The following CCDC57 variants were observed in gnomAD, a reference collection of about 807,000 sequenced individuals.
CCDC57 encodes the protein coiled-coil domain-containing protein 57.
CCDC57 carries 118 observed loss-of-function variants against 118.9 expected under a neutral mutation model. The ratio of observed to expected loss-of-function variants is 0.99; its 90% confidence interval spans 0.86 to 1.16. CCDC57 has a LOEUF of 1.16. CCDC57 is among the 50% of genes most tolerant of loss of function. CCDC57 has a pLI of 0.00. For missense variants in CCDC57, 1,300 were observed against 1,320.7 expected, an observed-to-expected ratio of 0.98 and a Z score of 0.24; for synonymous variants, 527 against 532.9, an observed-to-expected ratio of 0.99 and a Z score of 0.15.
intron 19 of CCDC57, among the ~76,000 whole-genome samples, chr17:82,111,337 C>T (rs2035226635): frequency 7.0e-6 from 1 of 142,730 alleles, no homozygotes; most frequent in Non-Finnish European, 1.5e-5. Flanking sequence ...TCCTGACCCT[C>T]GTGATCCACC....
chr17:82,191,576 T>C (rs1398332918), intron 7 of CCDC57, among the ~76,000 whole-genome samples: 1 of 152,172 alleles, frequency 6.6e-6, no homozygotes, highest in East Asian at 1.9e-4. Context: ...CAGCCCATCC[T>C]CTGCCTCCTC....
At chr17:82,130,826 G>A (rs1255731165) in intron 17 of CCDC57, among the ~76,000 whole-genome samples, 1 of 147,166 alleles carries the variant, frequency 6.8e-6, no homozygotes, top group Admixed American at 6.9e-5. Context: ...GGGGGTGGGG[G>A]TGGGGGACGG....
intron 19 of CCDC57, chr17:82,112,973 A>C (rs1281098218): frequency 1.1e-5 from 2 of 185,776 alleles, no homozygotes; most frequent in East Asian, 2.9e-4. Flanking sequence ...AGCAGAAGTG[A>C]GTGCCAGCCG....
intron 13 of CCDC57, 41 bp downstream of exon 12, chr17:82,171,660 T>C (rs1431586457): frequency 1.3e-6 from 2 of 1,592,428 alleles, no homozygotes; most frequent in Non-Finnish European, 1.7e-6. Flanking sequence ...GATTTCAGTT[T>C]ATAAGGGGAC....
chr17:82,171,875 A>G, intron 12 of CCDC57, 22 bp from the exon 12 acceptor site: 1 of 1,607,250 alleles, frequency 6.2e-7, no homozygotes, highest in South Asian at 1.1e-5. Flanking sequence ...ACCTCCAGTG[A>G]ATATAACACA....
In CCDC57 at chr17:82,201,521, G is replaced by A. The variant is rs370792326; in HGVS notation, c.407+17C>T. 4.6e-5 allele frequency: 73 copies of A among 1,576,644 alleles called. No individual in the cohort carries two copies. The highest frequency in any genetic ancestry group is 1.9e-4 in the African/African-American group (14 of 74,362). ...TGCCAGGCACTGCACAGGAGGGCGCGTCGGTCGGTGGCTCACCTGTGGACG... is the reference window on the plus strand; with the variant it reads ...TGCCAGGCACTGCACAGGAGGGCGCATCGGTCGGTGGCTCACCTGTGGACG... On this transcript the variant is annotated intron_variant, in intron 3 of 19. Coordinates refer to ENST00000665763, the Ensembl canonical transcript of CCDC57.
chr17:82,178,479 C>A (rs778078144), exon 11 of CCDC57: 1 of 1,608,720 alleles, frequency 6.2e-7, no homozygotes, highest in South Asian at 1.1e-5. Context: ...CTCACCTGTG[C>A]CCCTGGTCTG....
chr17:82,201,790 C>A (rs1482432665), exon 3 of CCDC57: 4 of 1,613,526 alleles, frequency 2.5e-6, no homozygotes, highest in Non-Finnish European at 3.4e-6. Context: ...CTCCTGCAGG[C>A]ACCGCAGTTT....
chr17:82,187,152 G>A (rs141605393), intron 8 of CCDC57, among the ~76,000 whole-genome samples: 3,171 of 146,464 alleles, frequency 0.022, 46 homozygotes, highest in Middle Eastern at 0.065. Context: ...CAGGAGAATC[G>A]CTTGAACCCG....
rs780375402 is a variant in CCDC57 at position 82,172,765 on chromosome 17, C to T, written c.1602G>A (p.Ala534=). The change falls in exon 12 of 20, where the codon GCG becomes GCA. Residue 534 remains alanine (A), a synonymous_variant. Transcript: ENST00000665763. The surrounding 1 kb of genome is among the most constrained non-coding windows in gnomAD (Gnocchi z 5.2). ...CCATTTCTTTCCTCATCTGGGCAATCGCGTTTCGCAAGCTCGTGTTCTGCT... is the reference window on the plus strand; with the variant it reads ...CCATTTCTTTCCTCATCTGGGCAATTGCGTTTCGCAAGCTCGTGTTCTGCT... 4.3e-6 allele frequency: 7 copies of T among 1,612,386 alleles called. No homozygotes were observed. The highest frequency in any genetic ancestry group is 1.7e-5 in the Admixed American group (1 of 59,804).
At position 82,198,061 on chromosome 17, in the gene CCDC57, C is replaced by T. The variant is rs533567346; in HGVS notation, c.516+253G>A. Among the ~76,000 whole-genome samples, 20 of 152,290 alleles carry T rather than the reference C, an allele frequency of 1.3e-4. No homozygotes were observed. The South Asian group carries it at 3.7e-3, about 28-fold the overall frequency. ...TACACGTCTCCTATTGCCTGTTTCC[C>T]TGGAGAACCCTGACTAATCCATGAG... On this transcript the variant is annotated intron_variant, in intron 4 of 19. Coordinates refer to ENST00000665763, the Ensembl canonical transcript of CCDC57.
At chr17:82,125,454 C>A (rs1335054905) in intron 19 of CCDC57, among the ~76,000 whole-genome samples, 6 of 151,934 alleles carry the variant, frequency 3.9e-5, no homozygotes, top group Non-Finnish European at 8.8e-5. Context: ...CAGCTCCCTA[C>A]AACCTCCACC....
intron 11 of CCDC57, among the ~76,000 whole-genome samples, chr17:82,174,375 T>C (rs185977367): frequency 5.8e-4 from 89 of 152,376 alleles, no homozygotes; most frequent in African/African-American, 2.1e-3. Context: ...ACCCTGTTTT[T>C]ACTCTAACTC....
chr17:82,179,239 C>T, intron 9 of CCDC57, 50 bp from the exon 9 acceptor site: 1 of 1,573,344 alleles, frequency 6.4e-7, no homozygotes, highest in Non-Finnish European at 8.6e-7. Flanking sequence ...AGGTCCCTTC[C>T]ACAGGAAAAG....
intron 7 of CCDC57, 127 bp downstream of exon 6, chr17:82,193,629 C>T (rs2047944918): frequency 7.2e-6 from 5 of 693,186 alleles, no homozygotes; most frequent in South Asian, 1.8e-5. Flanking sequence ...TCCAAAACAG[C>T]GGGCTCCCAG....
intron 16 of CCDC57, among the ~76,000 whole-genome samples, chr17:82,150,569 G>A (rs1299543618): frequency 4.3e-5 from 2 of 46,862 alleles, no homozygotes; most frequent in Non-Finnish European, 7.5e-5. Context: ...AGAACCAGGC[G>A]CACACTCAGA....
exon 5 of CCDC57, chr17:82,195,268 G>A (rs761368037): frequency 1.3e-6 from 2 of 1,591,132 alleles, no homozygotes; most frequent in African/African-American, 1.3e-5. Flanking sequence ...GTTACCTTAA[G>A]CTCCCGGGAC....
chr17:82,125,009 A>C (rs1360988429), intron 19 of CCDC57, among the ~76,000 whole-genome samples: 1 of 152,202 alleles, frequency 6.6e-6, no homozygotes. Context: ...GAGGAGAGCC[A>C]TGGAGTGCAG....
chr17:82,102,489 G>A (rs940654458), intron 19 of CCDC57, among the ~76,000 whole-genome samples: 2 of 152,200 alleles, frequency 1.3e-5, no homozygotes, highest in African/African-American at 2.4e-5. Context: ...GGGTGTTGTA[G>A]GTGATCTTCT....
Sources: gnomAD v4.1 joint callset for allele counts (sites outside exome capture counted in the v4.1 genomes callset) on GRCh38, gnomAD v4.1.1 for gene constraint, Gnocchi (gnomAD v3.1) non-coding constraint, MANE v1.5 for transcripts, NCBI Gene and HGNC (gene_info 2026-07-23, HGNC 2026-07-21) for gene names.